BAIAP2L1: variants seen among roughly 807,000 people sequenced by gnomAD.
BAIAP2L1 encodes BAR/IMD domain containing adaptor protein 2 like 1.
BAIAP2L1 carries 35 observed loss-of-function variants against 66.3 expected under a neutral mutation model. The ratio of observed to expected loss-of-function variants is 0.53; its 90% CI spans 0.40 to 0.70. The LOEUF is 0.70. Among genes scored for constraint, BAIAP2L1 ranks in the 30% least tolerant of loss-of-function variants. The pLI is 0.00. For synonymous variants in BAIAP2L1, 269 were observed against 248.7 expected (o/e 1.08, Z -0.77); for missense variants, 622 against 656.9 (o/e 0.95, Z 0.58).
At chr7:98,397,318 C>CTTTTTTTTT (rs36101597) in intron 1 of BAIAP2L1, among the ~76,000 whole-genome samples, 2 of 74,498 alleles carry the variant, frequency 2.7e-5, no homozygotes, top group East Asian at 4.0e-4. Context: ...TTCTTAAGCC[C>CTTTTTTTTT]TTTTTTTTTT....
At chr7:98,352,674 A>G (rs1291844749) in intron 3 of BAIAP2L1, among the ~76,000 whole-genome samples, 1 of 152,150 alleles carries the variant, frequency 6.6e-6, no homozygotes, top group Non-Finnish European at 1.5e-5. Flanking sequence ...CCCCATAGAT[A>G]TATACATGCA....
chr7:98,308,677 T>C, intron 9 of BAIAP2L1: 1 of 223,946 alleles, frequency 4.5e-6, no homozygotes, highest in South Asian at 7.0e-5. Context: ...AATATATATA[T>C]ATGTATGTAT....
At chr7:98,363,775 C>A (rs918248486) in intron 1 of BAIAP2L1, among the ~76,000 whole-genome samples, 66 of 151,990 alleles carry the variant, frequency 4.3e-4, no homozygotes, top group African/African-American at 1.5e-3. Flanking sequence ...ATATAGACGA[C>A]CAGATGCAAA....
chr7:98,302,585 C>T (rs1035764600), intron 12 of BAIAP2L1, among the ~76,000 whole-genome samples: 5 of 148,858 alleles, frequency 3.4e-5, no homozygotes, highest in East Asian at 3.9e-4. Flanking sequence ...ACAGGAGACA[C>T]GGGGGAACGC....
rs532532118 is a variant in BAIAP2L1, at chr7:98,378,735, A to G, written c.52-16303T>C. Among the ~76,000 whole-genome samples the G allele has an allele frequency of 2.0e-5, 3 of 152,118 alleles. No homozygotes were observed. The South Asian group carries it at 6.2e-4, about 32-fold the overall frequency. On this transcript the variant is annotated intron_variant, in intron 1 of 13. Transcript: ENST00000005260. ...ACTGCAACCTCTGCCTCCCAGGTTC[A>G]AGCAGTTCTCGTGCCTCAGCCTCTC...
chr7:98,337,544 G>A, intron 3 of BAIAP2L1, among the ~76,000 whole-genome samples: 1 of 152,234 alleles, frequency 6.6e-6, no homozygotes, highest in East Asian at 1.9e-4. Flanking sequence ...AGATGTTAAT[G>A]GCATTGCTGC....
In BAIAP2L1 at chr7:98,312,090, C is replaced by A; in HGVS notation, c.807+7G>T. On this transcript the variant is annotated splice_region_variant and intron_variant, in intron 8 of 13. Coordinates refer to ENST00000005260, the MANE Select transcript of BAIAP2L1 (RefSeq NM_018842.5). ...ATTGAAATCTGGAAGAGAAAACTGG[C>A]TCCTACCACATTGCTTCTCTCGATC... The A allele has an allele frequency of 6.3e-7, 1 of 1,586,532 alleles. No individual in the cohort carries two copies. Among genetic ancestry groups the A allele is most frequent in the Admixed American group, 1.9e-5 (1 of 53,816 alleles).
intron 1 of BAIAP2L1, among the ~76,000 whole-genome samples, chr7:98,367,749 G>A (rs1288781833): frequency 2.0e-5 from 3 of 151,844 alleles, no homozygotes; most frequent in African/African-American, 7.3e-5. Context: ...AGCCAGGATG[G>A]TCTCGATTTC....
chr7:98,337,206 C>T (rs1278680580), intron 3 of BAIAP2L1, among the ~76,000 whole-genome samples: 1 of 151,942 alleles, frequency 6.6e-6, no homozygotes, highest in Non-Finnish European at 1.5e-5. Flanking sequence ...CTCTGACCAA[C>T]CAGGACCCAA....
chr7:98,365,226 A>T (rs982732548), intron 1 of BAIAP2L1, among the ~76,000 whole-genome samples: 5 of 152,032 alleles, frequency 3.3e-5, no homozygotes, highest in African/African-American at 1.2e-4. Context: ...GCCATGTGGA[A>T]AATTATGTCC....
At chr7:98,371,425 C>T (rs1302420726) in intron 1 of BAIAP2L1, among the ~76,000 whole-genome samples, 2 of 152,098 alleles carry the variant, frequency 1.3e-5, no homozygotes, top group Non-Finnish European at 2.9e-5. Context: ...AAAACCTTAG[C>T]GGTACTGGAA....
At position 98,394,274 on chromosome 7, in the gene BAIAP2L1, TAAAAC is replaced by T. The variant is rs1286797388; in HGVS notation, c.51+6523_51+6527del. On this transcript the variant is annotated intron_variant, in intron 1 of 13. Transcript: ENST00000005260. ...ACAAACAAACAAAAAAACCCACACA[TAAAAC>T]AAACAAAAAATCCCTTTCATGCATG... Among the ~76,000 whole-genome samples the T allele has an allele frequency of 1.1e-4, 11 of 103,424 alleles. 1 individual carries two copies. The highest frequency in any genetic ancestry group is 9.9e-4 in the South Asian group (3 of 3,038). 67.9% of individuals were successfully genotyped at this position (103,424 alleles called of 152,430 possible). A position where few individuals can be genotyped will look rare whatever the true frequency, so the allele number is the denominator to read the frequency against.
At chr7:98,399,571 A>G (rs1803300838) in intron 1 of BAIAP2L1, among the ~76,000 whole-genome samples, 1 of 152,200 alleles carries the variant, frequency 6.6e-6, no homozygotes, top group Non-Finnish European at 1.5e-5. Flanking sequence ...TTTATTTATA[A>G]CCTTAAACAT....
chr7:98,397,918 A>G (rs1371757033), intron 1 of BAIAP2L1, among the ~76,000 whole-genome samples: 1 of 152,184 alleles, frequency 6.6e-6, no homozygotes, highest in East Asian at 1.9e-4. Context: ...TGGATCTCCC[A>G]TAATCATTTG....
intron 1 of BAIAP2L1, among the ~76,000 whole-genome samples, chr7:98,365,118 C>T (rs1802365288): frequency 6.8e-6 from 1 of 147,320 alleles, no homozygotes; most frequent in Admixed American, 6.9e-5. Context: ...TGGAAGCCTT[C>T]TCTTTATTCC....
chr7:98,364,512 TA>T (rs1802345986), intron 1 of BAIAP2L1, among the ~76,000 whole-genome samples: 1 of 152,132 alleles, frequency 6.6e-6, no homozygotes, highest in Admixed American at 6.6e-5. Context: ...GTCAGCCAGG[TA>T]GGTCCACGTC....
chr7:98,344,910 T>C (rs1801836557), intron 3 of BAIAP2L1, among the ~76,000 whole-genome samples: 1 of 152,198 alleles, frequency 6.6e-6, no homozygotes, highest in Non-Finnish European at 1.5e-5. Flanking sequence ...TACTCCAGCC[T>C]AGGCAACAAG....
At position 98,291,841 on chromosome 7, in the gene BAIAP2L1, A is replaced by G; in HGVS notation, c.*1680T>C. ...TTCTTCCACCCCGTAACAAAACCAGAAACCTCCCCAAGGCAGAACGCCAAA... is the reference window on the plus strand; with the variant it reads ...TTCTTCCACCCCGTAACAAAACCAGGAACCTCCCCAAGGCAGAACGCCAAA... On this transcript the variant is annotated 3_prime_UTR_variant, in exon 14 of 14. Coordinates refer to ENST00000005260, the MANE Select transcript of BAIAP2L1 (RefSeq NM_018842.5). 1 of 152,858 alleles carries G rather than the reference A, an allele frequency of 6.5e-6. No individual in the cohort carries two copies. The highest frequency in any genetic ancestry group is 1.5e-5 in the Non-Finnish European group (1 of 68,580). 9.5% of individuals were successfully genotyped at this position (152,858 alleles called of 1,614,324 possible). A position where few individuals can be genotyped will look rare whatever the true frequency, so the allele number is the denominator to read the frequency against.
chr7:98,306,351 C>G, intron 11 of BAIAP2L1, 88 bp downstream of exon 11: 1 of 1,500,546 alleles, frequency 6.7e-7, no homozygotes, highest in Non-Finnish European at 9.3e-7. Context: ...AGGGCAGGGC[C>G]TGCGACACAG....
Sources: gnomAD v4.1 joint callset for allele counts (sites outside exome capture counted in the v4.1 genomes callset) on GRCh38, gnomAD v4.1.1 for gene constraint, MANE v1.5 for transcripts, NCBI Gene and HGNC (gene_info 2026-07-23, HGNC 2026-07-21) for gene names.